The following BRIP1 variants were observed in gnomAD, a reference collection of about 807,000 sequenced individuals.
BRIP1 encodes BRCA1 interacting DNA helicase 1.
BRIP1 carries 88 observed loss-of-function variants against 119.7 expected under a neutral mutation model. That is an observed-to-expected ratio of 0.74 (90% CI 0.62 to 0.88). BRIP1 has a LOEUF of 0.88. Among genes scored for constraint, BRIP1 ranks in the 40% least tolerant of loss-of-function variants. The pLI is 0.00. For missense variants in BRIP1, 1,259 were observed against 1,455.4 expected (o/e 0.87, Z 2.20); for synonymous variants, 443 against 496.5 (o/e 0.89, Z 1.43).
At position 61,769,079 on chromosome 17, in the gene BRIP1, T is replaced by G. The variant is rs1567802092; in HGVS notation, c.2097+7322A>C. Among the ~76,000 whole-genome samples, 2 of 152,080 alleles carry G rather than the reference T, an allele frequency of 1.3e-5. No homozygotes were observed. Among genetic ancestry groups the G allele is most frequent in the Non-Finnish European group, 2.9e-5 (2 of 68,018 alleles). On this transcript the variant is annotated intron_variant, in intron 14 of 19. Coordinates refer to ENST00000259008, the MANE Select transcript of BRIP1 (RefSeq NM_032043.3). This position sits in a 1 kb window ranked among gnomAD's most constrained non-coding sequence, Gnocchi z 4.9. ...GCAAAAGACTGGGTATCTCACTCAG[T>G]CCTACGACTACAAGGGATAAATTCT...
intron 3 of BRIP1, among the ~76,000 whole-genome samples, chr17:61,858,435 G>A (rs1475384590): frequency 4.6e-5 from 7 of 150,884 alleles, no homozygotes; most frequent in East Asian, 1.9e-4. Flanking sequence ...GTGCAATGGC[G>A]CGATCTCGGC....
intron 14 of BRIP1, among the ~76,000 whole-genome samples, chr17:61,747,723 C>A (rs1305830919): frequency 6.6e-6 from 1 of 151,760 alleles, no homozygotes; most frequent in Non-Finnish European, 1.5e-5. Context: ...TTTTTATTTT[C>A]ATTTCTTTGC....
rs786203496 is a variant in BRIP1 at position 61,799,104 on chromosome 17, T to C, written c.1336A>G (p.Ile446Val). 1 of 1,610,878 alleles carries C rather than the reference T, an allele frequency of 6.2e-7. No individual in the cohort carries two copies. ...CTAATAGACAAATCTTCTTACTTAA[T>C]GAGGCTACAGCACACAGCTCGTAGG... is the stretch of plus-strand genomic sequence containing the variant. ...EPLRAVCCSL[I>V]NWLEANAEYL... Residue 446 changes from isoleucine to valine, a missense_variant, in exon 9 of 20, where the codon ATT (isoleucine) becomes GTT (valine). Coordinates refer to ENST00000259008, the MANE Select transcript of BRIP1 (RefSeq NM_032043.3). The surrounding 1 kb of genome is among the most constrained non-coding windows in gnomAD (Gnocchi z 5.1).
intron 16 of BRIP1, among the ~76,000 whole-genome samples, chr17:61,716,713 C>A (rs943021579): frequency 1.7e-5 from 1 of 58,748 alleles, no homozygotes; most frequent in East Asian, 6.7e-4. Flanking sequence ...TTGCTTCCCC[C>A]CTACCCCCCC....
At position 61,857,301 on chromosome 17, in the gene BRIP1, G is replaced by A; in HGVS notation, c.206-70C>T. On this transcript the variant is annotated intron_variant, in intron 3 of 19. Coordinates refer to ENST00000259008, the MANE Select transcript of BRIP1 (RefSeq NM_032043.3). The surrounding 1 kb of genome is among the most constrained non-coding windows in gnomAD (Gnocchi z 5.1). ...AACATCAATCATTCTCTACAGCCCA[G>A]TTCACCCAGGATTGGGAGGTTTCCT... is the stretch of plus-strand genomic sequence containing the variant. 2 of 1,381,554 alleles carry A rather than the reference G, an allele frequency of 1.4e-6. No individual in the cohort carries two copies. The highest frequency in any genetic ancestry group is 9.9e-7 in the Non-Finnish European group (1 of 1,010,450). The allele number at this position is 1,381,554 out of a possible 1,614,324, so 85.6% of individuals were successfully genotyped here.
At position 61,861,295 on chromosome 17, in the gene BRIP1, A is replaced by G. The variant is rs1385786918; in HGVS notation, c.93+152T>C. 3.0e-6 allele frequency: 2 copies of G among 673,642 alleles called. No homozygotes were observed. The highest frequency in any genetic ancestry group is 2.2e-5 in the Admixed American group (1 of 45,968). The allele number at this position is 673,642 out of a possible 1,614,324, so 41.7% of individuals were successfully genotyped here. On this transcript the variant is annotated intron_variant, in intron 2 of 19. Coordinates refer to ENST00000259008, the MANE Select transcript of BRIP1 (RefSeq NM_032043.3). This position sits in a 1 kb window ranked among gnomAD's most constrained non-coding sequence, Gnocchi z 4.5. Reference sequence around the variant, plus strand: ...AGATATATACAGTTTAGCTGCAATCAGTAGTTTCCCAGAGGTTAGATATTC... The same window carrying G: ...AGATATATACAGTTTAGCTGCAATCGGTAGTTTCCCAGAGGTTAGATATTC...
rs2077090633 is a variant in BRIP1, at chr17:61,748,686, T to G, written c.2098-4095A>C. Among the ~76,000 whole-genome samples, 1 of 152,198 alleles carries G rather than the reference T, an allele frequency of 6.6e-6. No individual in the cohort carries two copies. Among genetic ancestry groups the G allele is most frequent in the African/African-American group, 2.4e-5 (1 of 41,466 alleles). On this transcript the variant is annotated intron_variant, in intron 14 of 19. Transcript: ENST00000259008. The surrounding 1 kb of genome is among the most constrained non-coding windows in gnomAD (Gnocchi z 4.7). ...TCCACACATGTATGATCAACTGATC[T>G]TCAGCAAGGGTGCCAAAAATACATA...
rs1230104733 is a variant in BRIP1, at chr17:61,705,352, T to C, written c.2492+10599A>G. Among the ~76,000 whole-genome samples the C allele has an allele frequency of 6.6e-6, 1 of 152,170 alleles. No homozygotes were observed. The highest frequency in any genetic ancestry group is 1.5e-5 in the Non-Finnish European group (1 of 68,022). The stretch of plus-strand genomic sequence containing the variant: ...TATCTAGTCCACCGTTGATAGGTAT[T>C]TGAGTTGCTTCTATGCCTTTGCTTT... On this transcript the variant is annotated intron_variant, in intron 17 of 19. Transcript: ENST00000259008. The surrounding 1 kb of genome is among the most constrained non-coding windows in gnomAD (Gnocchi z 5.0).
Position 61,716,035 on chromosome 17 carries a change from T to C in BRIP1, c.2408A>G (p.His803Arg). ...TAGAAGACCTCTCAATTTTGAATGG[T>C]GGTCATTGTATTGTCGTTTTAGTTC... Reference protein sequence around the residue: ...QVELKRQYNDHHSKLRGLLPG... With the variant: ...QVELKRQYNDRHSKLRGLLPG... The change falls in exon 17 of 20, where the codon CAC becomes CGC. Residue 803 changes from histidine (H) to arginine (R), a missense_variant. Physicochemically the swap from His to Arg is conservative, Grantham distance 29. Transcript: ENST00000259008. The C allele has an allele frequency of 6.2e-7, 1 of 1,606,392 alleles. No homozygotes were observed. Among genetic ancestry groups the C allele is most frequent in the Non-Finnish European group, 8.5e-7 (1 of 1,175,630 alleles).
At chr17:61,820,036 TA>T (rs1243458507) in intron 6 of BRIP1, among the ~76,000 whole-genome samples, 372 of 137,176 alleles carry the variant, frequency 2.7e-3, no homozygotes, top group Non-Finnish European at 2.8e-3. Context: ...AATTAAAAAT[TA>T]AAAAAAAAAA....
At chr17:61,772,949 AAGG>A (rs1277382020) in intron 14 of BRIP1, among the ~76,000 whole-genome samples, 11 of 152,132 alleles carry the variant, frequency 7.2e-5, no homozygotes, top group East Asian at 3.9e-4. Flanking sequence ...ACTGGGAAGA[AAGG>A]AGGAGTAGTA....
At chr17:61,763,497 T>C (rs1182034151) in intron 14 of BRIP1, among the ~76,000 whole-genome samples, 1 of 151,920 alleles carries the variant, frequency 6.6e-6, no homozygotes, top group Non-Finnish European at 1.5e-5. Flanking sequence ...CATGTTAGCA[T>C]GACTTCAAGC....
intron 16 of BRIP1, among the ~76,000 whole-genome samples, chr17:61,731,913 T>TAAA (rs11368734): frequency 4.9e-4 from 68 of 138,402 alleles, no homozygotes; most frequent in African/African-American, 1.5e-3. Context: ...AGCCAGATAT[T>TAAA]AAAAAAAAAA....
chr17:61,749,364 T>C (rs1403185022), intron 14 of BRIP1, among the ~76,000 whole-genome samples: 1 of 151,674 alleles, frequency 6.6e-6, no homozygotes. Context: ...GCAAACCATA[T>C]ATCTGATAAG....
chr17:61,763,273 G>A (rs1002509632), intron 14 of BRIP1, among the ~76,000 whole-genome samples: 1 of 152,136 alleles, frequency 6.6e-6, no homozygotes, highest in African/African-American at 2.4e-5. Context: ...CTGTAGGTCA[G>A]AAGTCCAGAC....
chr17:61,722,808 A>G lies in BRIP1; in HGVS notation c.2380-6745T>C, dbSNP rs1288619024. On this transcript the variant is annotated intron_variant, in intron 16 of 19. Coordinates refer to ENST00000259008, the MANE Select transcript of BRIP1 (RefSeq NM_032043.3). The surrounding 1 kb of genome is among the most constrained non-coding windows in gnomAD (Gnocchi z 4.6). ...CATTAACATAATTAAAATTTTCTGTATGGCTACATTGTTTTAATTTATTGC... is the reference window on the plus strand; with the variant it reads ...CATTAACATAATTAAAATTTTCTGTGTGGCTACATTGTTTTAATTTATTGC... Among the ~76,000 whole-genome samples, 2 of 152,194 alleles carry G rather than the reference A, an allele frequency of 1.3e-5. No homozygotes were observed. The highest frequency in any genetic ancestry group is 2.4e-5 in the African/African-American group (1 of 41,458).
Position 61,684,608 on chromosome 17 carries a change from G to A in BRIP1, c.2906-468C>T, listed in dbSNP as rs2061333306. ...CTGGTTAGTAAGAAGACCAAGACTA[G>A]AAACTAGGTTTCCTGATTACCAAGT... On this transcript the variant is annotated intron_variant, in intron 19 of 19. Coordinates refer to ENST00000259008, the MANE Select transcript of BRIP1 (RefSeq NM_032043.3). The surrounding 1 kb of genome is among the most constrained non-coding windows in gnomAD (Gnocchi z 4.5). 6.6e-6 allele frequency among the ~76,000 whole-genome samples: 1 copy of A among 152,090 alleles called. No homozygotes were observed. The highest frequency in any genetic ancestry group is 1.5e-5 in the Non-Finnish European group (1 of 68,006).
At position 61,705,577 on chromosome 17, in the gene BRIP1, C is replaced by CT. The variant is rs2061680044; in HGVS notation, c.2492+10373dup. Among the ~76,000 whole-genome samples the CT allele has an allele frequency of 6.6e-6, 1 of 151,976 alleles. No homozygotes were observed. The highest frequency in any genetic ancestry group is 1.5e-5 in the Non-Finnish European group (1 of 67,970). On this transcript the variant is annotated intron_variant, in intron 17 of 19. Coordinates refer to ENST00000259008, the MANE Select transcript of BRIP1 (RefSeq NM_032043.3). The surrounding 1 kb of genome is among the most constrained non-coding windows in gnomAD (Gnocchi z 5.0). ...CAATTTATACTTGTTTTTATTACTC[C>CT]TTTTTTTCCTGTTTGCCTCACATTT...
At position 61,776,432 on chromosome 17, in the gene BRIP1, T is replaced by C. The variant is rs2145027105; in HGVS notation, c.2066A>G (p.Gln689Arg). 1 of 1,614,172 alleles carries C rather than the reference T, an allele frequency of 6.2e-7. No individual in the cohort carries two copies. Among genetic ancestry groups the C allele is most frequent in the Non-Finnish European group, 8.5e-7 (1 of 1,180,024 alleles). The change falls in exon 14 of 20, where the codon CAA (glutamine) becomes CGA (arginine). Residue 689 changes from glutamine to arginine, a missense_variant. Gln to Arg is a conservative substitution (Grantham distance 43). Transcript: ENST00000259008. The surrounding 1 kb of genome is among the most constrained non-coding windows in gnomAD (Gnocchi z 5.0). ...AGATGGCAAGAAACACAAAATTCCT[T>C]GGCTCACAGTCTGGCACACAGATAA... ...LLLSVCQTVS[Q>R]GILCFLPSYK... is the part of the protein sequence containing the mutation.
Sources: allele counts gnomAD v4.1 joint callset (sites outside exome capture counted in the v4.1 genomes callset), GRCh38; gene constraint gnomAD v4.1.1; non-coding constraint Gnocchi (gnomAD v3.1); transcripts MANE v1.5; gene names NCBI Gene and HGNC (gene_info 2026-07-23, HGNC 2026-07-21).